The following PRSS12 variants were observed in gnomAD, a reference collection of about 807,000 sequenced individuals.
PRSS12 encodes the protein serine protease 12.
Under a neutral mutation model 104.4 loss-of-function variants are expected in PRSS12, and 85 were observed. The ratio of observed to expected loss-of-function variants is 0.81; its 90% CI spans 0.68 to 0.98. The LOEUF (loss-of-function observed/expected upper bound fraction) is 0.98. Among genes scored for constraint, PRSS12 ranks in the 50% least tolerant of loss-of-function variants. The pLI is 0.00. For synonymous variants in PRSS12, 454 were observed against 425.2 expected, an observed-to-expected ratio of 1.07 and a Z score of -0.83; for missense variants, 1,141 against 1,139.2, an observed-to-expected ratio of 1.00 and a Z score of -0.02.
At chr4:118,296,985 A>G (rs1743269074) in intron 9 of PRSS12, among the ~76,000 whole-genome samples, 1 of 152,218 alleles carries the variant, frequency 6.6e-6, no homozygotes, top group African/African-American at 2.4e-5. Flanking sequence ...TTTTAAGTTT[A>G]CATCATTCTG....
chr4:118,304,631 A>G (rs1212268856), intron 8 of PRSS12, among the ~76,000 whole-genome samples: 3 of 152,032 alleles, frequency 2.0e-5, no homozygotes, highest in Admixed American at 1.3e-4. Flanking sequence ...TGTAAATATA[A>G]TGGAATTTCC....
At chr4:118,316,403 A>G (rs1004907633) in intron 5 of PRSS12, 80 bp from the exon 6 acceptor site, 44 of 1,565,928 alleles carry the variant, frequency 2.8e-5, no homozygotes, top group Non-Finnish European at 3.4e-5. Context: ...TTCACAAGAA[A>G]TATCACCATA....
rs773003498 is a variant in PRSS12, at chr4:118,338,300, G to A, written c.517C>T (p.Arg173Cys). 18 of 1,613,772 alleles carry A rather than the reference G, an allele frequency of 1.1e-5. No homozygotes were observed. The highest frequency in any genetic ancestry group is 1.3e-5 in the African/African-American group (1 of 74,858). ...CDCRHGSVRL[R>C]GGKNEFEGTV... is the part of the protein sequence containing the mutation. ...CCTTCAAACTCATTTTTGCCGCCAC[G>A]AAGTCGTACTGATCCTAAAGTGGAA... The change falls in exon 2 of 13, where the codon CGT (arginine) becomes TGT (cysteine). Residue 173 changes from arginine to cysteine, a missense_variant. By Grantham distance (180) the Arg-to-Cys change is radical. Transcript: ENST00000296498.
At chr4:118,316,094 T>A in intron 6 of PRSS12, 88 bp downstream of exon 6, 1 of 1,407,628 alleles carries the variant, frequency 7.1e-7, no homozygotes, top group Non-Finnish European at 9.9e-7. Flanking sequence ...TTTTTATTAT[T>A]ATAAAAATTA....
intron 1 of PRSS12, among the ~76,000 whole-genome samples, chr4:118,348,050 C>A (rs1039603581): frequency 6.6e-5 from 10 of 151,958 alleles, no homozygotes; most frequent in African/African-American, 2.2e-4. Context: ...GGCAACATGG[C>A]AAAACTCCAT....
intron 2 of PRSS12, 107 bp from the exon 3 acceptor site, chr4:118,335,758 G>A: frequency 2.9e-6 from 3 of 1,028,794 alleles, no homozygotes; most frequent in Admixed American, 1.9e-5. Context: ...GATGAATATG[G>A]AAGAAACAAA....
In PRSS12 at chr4:118,290,217, A is replaced by G. The variant is rs112827088; in HGVS notation, c.2039+4722T>C. ...GAAATAATGACATGTAAACAAATAA[A>G]TCCAAAAATAACAACAACAAAAAAA... On this transcript the variant is annotated intron_variant, in intron 11 of 12. Transcript: ENST00000296498. Among the ~76,000 whole-genome samples, 1,028 of 152,240 alleles carry G rather than the reference A, an allele frequency of 6.8e-3. 12 individuals carry two copies. Among genetic ancestry groups the G allele is most frequent in the African/African-American group, 0.023 (945 of 41,546 alleles).
intron 1 of PRSS12, among the ~76,000 whole-genome samples, chr4:118,342,137 G>A (rs1214990209): frequency 2.0e-5 from 3 of 152,134 alleles, no homozygotes; most frequent in African/African-American, 7.2e-5. Flanking sequence ...ACGTGTGGGT[G>A]TACACATTTG....
chr4:118,321,453 T>C (rs1463246203), intron 4 of PRSS12, among the ~76,000 whole-genome samples: 1 of 152,248 alleles, frequency 6.6e-6, no homozygotes, highest in Non-Finnish European at 1.5e-5. Flanking sequence ...ATCTGGGCTG[T>C]ACCTTCAACA....
At position 118,282,214 on chromosome 4, in the gene PRSS12, CTTGT is replaced by C; in HGVS notation, c.2346_2349del (p.Ala784ProfsTer59). ...CTTTTAGGAAGTAAGGGAATGGCTG[CTTGT>C]TGTAGTGTTCTTGAATAGGCTCGTC... On this transcript the variant is annotated frameshift_variant, in exon 13 of 13. Coordinates refer to ENST00000296498, the MANE Select transcript of PRSS12 (RefSeq NM_003619.4). LOFTEE classifies it high-confidence loss of function. 6.2e-7 allele frequency: 1 copy of C among 1,614,220 alleles called. No individual in the cohort carries two copies. Among genetic ancestry groups the C allele is most frequent in the Non-Finnish European group, 8.5e-7 (1 of 1,180,054 alleles).
At chr4:118,299,079 G>A (rs1560767904) in intron 8 of PRSS12, 141 bp from the exon 9 acceptor site, 2 of 967,608 alleles carry the variant, frequency 2.1e-6, no homozygotes, top group Non-Finnish European at 3.1e-6. Context: ...TTTGTTTCAT[G>A]ACTGTCAAAA....
intron 1 of PRSS12, among the ~76,000 whole-genome samples, chr4:118,340,491 G>A (rs942380445): frequency 3.3e-5 from 5 of 152,110 alleles, no homozygotes; most frequent in South Asian, 2.1e-4. Context: ...ATGTCTATTC[G>A]GAGGAAACCA....
intron 11 of PRSS12, among the ~76,000 whole-genome samples, chr4:118,287,277 C>G (rs1230130572): frequency 1.3e-5 from 2 of 152,086 alleles, no homozygotes; most frequent in Admixed American, 6.5e-5. Flanking sequence ...ACTCAAGCAG[C>G]CGGGACCACA....
chr4:118,298,290 A>G (rs1162171001), intron 9 of PRSS12, among the ~76,000 whole-genome samples: 1 of 152,082 alleles, frequency 6.6e-6, no homozygotes, highest in African/African-American at 2.4e-5. Flanking sequence ...ACAAAACATC[A>G]TTTTCTTTTT....
chr4:118,339,846 A>AG (rs1287498584), intron 1 of PRSS12, among the ~76,000 whole-genome samples: 1 of 152,234 alleles, frequency 6.6e-6, no homozygotes, highest in African/African-American at 2.4e-5. Flanking sequence ...CACAAATGCC[A>AG]GCAGTTTATT....
At chr4:118,330,380 A>G (rs566908716) in intron 4 of PRSS12, among the ~76,000 whole-genome samples, 4 of 152,302 alleles carry the variant, frequency 2.6e-5, no homozygotes, top group East Asian at 1.9e-4. Flanking sequence ...AATTACAAGA[A>G]CCAGAAGAGT....
chr4:118,305,382 A>G (rs771282379), intron 8 of PRSS12, among the ~76,000 whole-genome samples: 12 of 152,000 alleles, frequency 7.9e-5, no homozygotes, highest in African/African-American at 2.4e-4. Flanking sequence ...TTCTTGATTG[A>G]TAAGTATTAC....
At chr4:118,345,340 A>C (rs1724331279) in intron 1 of PRSS12, among the ~76,000 whole-genome samples, 1 of 152,106 alleles carries the variant, frequency 6.6e-6, no homozygotes, top group Non-Finnish European at 1.5e-5. Context: ...AAGAAGGAGG[A>C]GGAGGGGAAG....
At chr4:118,352,141 G>A in intron 1 of PRSS12, 78 bp downstream of exon 1, 1 of 1,575,984 alleles carries the variant, frequency 6.3e-7, no homozygotes, top group Non-Finnish European at 8.6e-7. Flanking sequence ...CTTTTTCCAA[G>A]AGACCTGTAC....
Sources: gnomAD v4.1 joint callset for allele counts (sites outside exome capture counted in the v4.1 genomes callset) on GRCh38, gnomAD v4.1.1 for gene constraint, MANE v1.5 for transcripts, NCBI Gene and HGNC (gene_info 2026-07-23, HGNC 2026-07-21) for gene names.